PPP3CA: variants seen among roughly 807,000 people sequenced by gnomAD.
PPP3CA encodes protein phosphatase 3 catalytic subunit alpha, also known as CAM-PRP catalytic subunit.
A neutral mutation model predicts 66.5 loss-of-function variants in PPP3CA; 14 were observed. The ratio of observed to expected loss-of-function variants is 0.21; its 90% CI spans 0.14 to 0.33. The LOEUF (loss-of-function observed/expected upper bound fraction) is 0.33, where lower values mean the gene tolerates loss of function less well. Ranked by LOEUF, PPP3CA falls within the 10% of genes least tolerant of loss-of-function variation. PPP3CA has a pLI of 1.00. For missense variants in PPP3CA, 317 were observed against 639.5 expected, an observed-to-expected ratio of 0.50 and a Z score of 5.44; for synonymous variants, 232 against 226.2, an observed-to-expected ratio of 1.03 and a Z score of -0.23.
chr4:101,241,346 G>A (rs1017839574), intron 1 of PPP3CA, among the ~76,000 whole-genome samples: 1 of 152,072 alleles, frequency 6.6e-6, no homozygotes, highest in Non-Finnish European at 1.5e-5. Context: ...ATAATATGTG[G>A]AAGGCCTTTG....
At chr4:101,149,596 C>T (rs915235291) in intron 2 of PPP3CA, among the ~76,000 whole-genome samples, 1 of 152,062 alleles carries the variant, frequency 6.6e-6, no homozygotes, top group African/African-American at 2.4e-5. Context: ...AAAAATCCAA[C>T]ATTAAGTCTC....
At chr4:101,078,700 C>T (rs771320404) in intron 8 of PPP3CA, among the ~76,000 whole-genome samples, 7 of 152,142 alleles carry the variant, frequency 4.6e-5, no homozygotes, top group Admixed American at 1.3e-4. Context: ...CTCATAGGTT[C>T]TTCACAGCTA....
rs192321438 is a variant in PPP3CA, at chr4:101,315,615, C to T, written c.58+31124G>A. On this transcript the variant is annotated intron_variant, in intron 1 of 13. Transcript: ENST00000394854. Reference sequence around the variant, plus strand: ...TCCTATTCACTGAGAATGGTATCTGCTAGAATTTAATTCAGCTGTATATGA... The same window carrying T: ...TCCTATTCACTGAGAATGGTATCTGTTAGAATTTAATTCAGCTGTATATGA... Among the ~76,000 whole-genome samples the T allele has an allele frequency of 1.4e-4, 21 of 152,274 alleles. No individual in the cohort carries two copies. The East Asian group carries it at 4.1e-3, about 29-fold the overall frequency.
rs145187438 is a variant in PPP3CA, at chr4:101,318,328, A to G, written c.58+28411T>C. Among the ~76,000 whole-genome samples the G allele has an allele frequency of 3.0e-3, 450 of 152,316 alleles. 4 individuals carry two copies. Among genetic ancestry groups the G allele is most frequent in the African/African-American group, 0.01 (427 of 41,568 alleles). On this transcript the variant is annotated intron_variant, in intron 1 of 13. Coordinates refer to ENST00000394854, the MANE Select transcript of PPP3CA (RefSeq NM_000944.5). ...ACTTAAAAGGAACTTCAGCTATTAA[A>G]TTCCTTTTAGAAAGTAAAAATGACT...
chr4:101,198,939 T>C (rs961052459), intron 1 of PPP3CA, among the ~76,000 whole-genome samples: 12 of 152,166 alleles, frequency 7.9e-5, no homozygotes, highest in African/African-American at 2.9e-4. Context: ...CTATTTCCAA[T>C]TGGATGGAAG....
chr4:101,090,827 T>C (rs142348848), intron 6 of PPP3CA, among the ~76,000 whole-genome samples: 11 of 150,742 alleles, frequency 7.3e-5, no homozygotes, highest in African/African-American at 2.4e-4. Flanking sequence ...AATGCCGTAA[T>C]ATATAGACAT....
chr4:101,242,582 T>C (rs1304799977), intron 1 of PPP3CA, among the ~76,000 whole-genome samples: 2 of 152,122 alleles, frequency 1.3e-5, no homozygotes, highest in Non-Finnish European at 2.9e-5. Flanking sequence ...TCCTGCATCA[T>C]GGATTTGCAG....
chr4:101,335,055 A>C lies in PPP3CA; in HGVS notation c.58+11684T>G, dbSNP rs566325643. ...AGTGAAAGTAGCATTTTAGGGTTGAACGTAAATCCACTCTCGTTTATACGT... is the reference window on the plus strand; with the variant it reads ...AGTGAAAGTAGCATTTTAGGGTTGACCGTAAATCCACTCTCGTTTATACGT... On this transcript the variant is annotated intron_variant, in intron 1 of 13. Transcript: ENST00000394854. 2.0e-5 allele frequency among the ~76,000 whole-genome samples: 3 copies of C among 152,134 alleles called. No individual in the cohort carries two copies. The East Asian group carries it at 5.8e-4, about 29-fold the overall frequency.
At chr4:101,074,493 C>T (rs936816955) in intron 8 of PPP3CA, among the ~76,000 whole-genome samples, 13 of 152,266 alleles carry the variant, frequency 8.5e-5, no homozygotes, top group South Asian at 4.1e-4. Context: ...TGAGGGTTCC[C>T]GCCAGAAGTC....
intron 1 of PPP3CA, among the ~76,000 whole-genome samples, chr4:101,220,362 AAATT>A (rs1262497692): frequency 6.6e-6 from 1 of 151,544 alleles, no homozygotes; most frequent in Non-Finnish European, 1.5e-5. Flanking sequence ...AGAAGGGAAA[AAATT>A]AACCTGTTCC....
chr4:101,068,289 C>T (rs1285607337), intron 8 of PPP3CA, among the ~76,000 whole-genome samples: 1 of 152,108 alleles, frequency 6.6e-6, no homozygotes, highest in Non-Finnish European at 1.5e-5. Flanking sequence ...TTTTTTCCTT[C>T]CAATTCTTCC....
At chr4:101,244,066 C>T (rs1417262154) in intron 1 of PPP3CA, among the ~76,000 whole-genome samples, 1 of 152,068 alleles carries the variant, frequency 6.6e-6, no homozygotes, top group Non-Finnish European at 1.5e-5. Flanking sequence ...TATTGACTTG[C>T]CTATGCCAAA....
Position 101,023,977 on chromosome 4 carries a change from T to C in PPP3CA, c.*1888A>G, listed in dbSNP as rs1482775724. 2 of 152,664 alleles carry C rather than the reference T, an allele frequency of 1.3e-5. No homozygotes were observed. The highest frequency in any genetic ancestry group is 2.9e-5 in the Non-Finnish European group (2 of 68,026). The allele number at this position is 152,664 out of a possible 1,614,324, so 9.5% of individuals were successfully genotyped here. A position where few individuals can be genotyped will look rare whatever the true frequency, so the allele number is the denominator to read the frequency against. Reference sequence around the variant, plus strand: ...AATGCACTTAGTAGCCTAGTACTTTTTGCTTTAGCAGATAGATAGGGCATC... The same window carrying C: ...AATGCACTTAGTAGCCTAGTACTTTCTGCTTTAGCAGATAGATAGGGCATC... On this transcript the variant is annotated 3_prime_UTR_variant, in exon 14 of 14. Transcript: ENST00000394854.
chr4:101,091,698 A>G (rs1729949787), intron 6 of PPP3CA, among the ~76,000 whole-genome samples: 1 of 151,862 alleles, frequency 6.6e-6, no homozygotes, highest in Admixed American at 6.6e-5. Context: ...TGCTTACTCT[A>G]GAGACAGAAG....
intron 1 of PPP3CA, among the ~76,000 whole-genome samples, chr4:101,230,165 T>C (rs1207969130): frequency 6.6e-6 from 1 of 151,614 alleles, no homozygotes; most frequent in African/African-American, 2.4e-5. Flanking sequence ...AACCTTAAGT[T>C]CTAATATTTA....
chr4:101,172,965 A>G (rs1252310998), intron 2 of PPP3CA, among the ~76,000 whole-genome samples: 1 of 152,232 alleles, frequency 6.6e-6, no homozygotes, highest in Non-Finnish European at 1.5e-5. Context: ...GCACTGAAGA[A>G]CAATTAACTG....
intron 1 of PPP3CA, among the ~76,000 whole-genome samples, chr4:101,279,012 A>T (rs1213432848): frequency 1.3e-5 from 2 of 152,212 alleles, no homozygotes; most frequent in African/African-American, 4.8e-5. Context: ...CAAACTAAAA[A>T]ATGTAATTAA....
chr4:101,346,296 G>T (rs2583391), intron 1 of PPP3CA, among the ~76,000 whole-genome samples: 2 of 151,808 alleles, frequency 1.3e-5, no homozygotes, highest in Non-Finnish European at 2.9e-5. Context: ...TAAAAATGCC[G>T]TATTAATTTT....
chr4:101,219,727 G>C (rs1285166293), intron 1 of PPP3CA, among the ~76,000 whole-genome samples: 10 of 151,762 alleles, frequency 6.6e-5, no homozygotes, highest in African/African-American at 2.4e-4. Flanking sequence ...CTTCAGTACT[G>C]TCATCTTGGG....
Sources: allele counts gnomAD v4.1 joint callset (sites outside exome capture counted in the v4.1 genomes callset), GRCh38; gene constraint gnomAD v4.1.1; transcripts MANE v1.5; gene names NCBI Gene and HGNC (gene_info 2026-07-23, HGNC 2026-07-21).